MACROD2: variants seen among roughly 807,000 people sequenced by gnomAD.
MACROD2 encodes the protein mono-ADP ribosylhydrolase 2, also known as ADP-ribose glycohydrolase MACROD2.
In MACROD2, 36 loss-of-function variants were observed where a neutral mutation model predicts 70.4. That is an observed-to-expected ratio of 0.51 (90% CI 0.39 to 0.68). The LOEUF (loss-of-function observed/expected upper bound fraction) is 0.68, where lower values mean the gene tolerates loss of function less well. MACROD2 is among the 30% of genes least tolerant of loss of function. The probability of loss-of-function intolerance (pLI) is 0.00; values close to 1 mark genes in which losing one functional copy is unlikely to be tolerated. For missense variants in MACROD2, 496 were observed against 538.4 expected (o/e 0.92, Z 0.78); for synonymous variants, 172 against 178.8 (o/e 0.96, Z 0.30).
intron 8 of MACROD2, among the ~76,000 whole-genome samples, chr20:15,574,488 C>T (rs545456652): frequency 7.9e-5 from 12 of 152,210 alleles, no homozygotes; most frequent in African/African-American, 2.6e-4. Context: ...AGAATGTAGA[C>T]AAGCACTAAT....
intron 3 of MACROD2, among the ~76,000 whole-genome samples, chr20:14,114,803 C>A (rs1263668254): frequency 1.3e-5 from 2 of 152,084 alleles, no homozygotes; most frequent in African/African-American, 4.8e-5. Flanking sequence ...TACAAACTGG[C>A]GTAACAGTGT....
At chr20:14,318,959 C>T (rs2082636043) in intron 3 of MACROD2, among the ~76,000 whole-genome samples, 1 of 152,102 alleles carries the variant, frequency 6.6e-6, no homozygotes, top group Non-Finnish European at 1.5e-5. Context: ...CCTGTTTCCT[C>T]CATCTCTAGA....
intron 5 of MACROD2, among the ~76,000 whole-genome samples, chr20:15,173,996 G>A (rs1257542783): frequency 6.6e-6 from 1 of 152,140 alleles, no homozygotes. Flanking sequence ...ATCAATAATA[G>A]AAGTTTCTTT....
intron 6 of MACROD2, among the ~76,000 whole-genome samples, chr20:15,379,027 T>G (rs895011992): frequency 6.6e-6 from 1 of 152,234 alleles, no homozygotes; most frequent in Non-Finnish European, 1.5e-5. Flanking sequence ...AGGAAACCCC[T>G]TATACATGTT....
At chr20:14,289,413 G>T (rs914487741) in intron 3 of MACROD2, among the ~76,000 whole-genome samples, 2 of 152,218 alleles carry the variant, frequency 1.3e-5, no homozygotes, top group Non-Finnish European at 2.9e-5. Flanking sequence ...GTGTAAAACA[G>T]ATGCTTGCTT....
intron 6 of MACROD2, among the ~76,000 whole-genome samples, chr20:15,420,535 TTGCACTTTTGAA>T (rs2046213512): frequency 6.6e-6 from 1 of 152,168 alleles, no homozygotes; most frequent in South Asian, 2.1e-4. Context: ...GTAATAGTGT[TTGCACTTTTGAA>T]TGCAGTTTTT....
At chr20:14,916,634 A>G (rs1435619955) in intron 5 of MACROD2, among the ~76,000 whole-genome samples, 1 of 152,208 alleles carries the variant, frequency 6.6e-6, no homozygotes, top group Non-Finnish European at 1.5e-5. Flanking sequence ...GATGATAAAT[A>G]TGTCATAAAA....
At chr20:14,936,256 A>G (rs1270201930) in intron 5 of MACROD2, among the ~76,000 whole-genome samples, 1 of 152,156 alleles carries the variant, frequency 6.6e-6, no homozygotes, top group Non-Finnish European at 1.5e-5. Flanking sequence ...GATCTGGGAG[A>G]AGAGCATTTG....
chr20:15,478,242 G>A (rs1181493960), intron 7 of MACROD2, among the ~76,000 whole-genome samples: 4 of 152,184 alleles, frequency 2.6e-5, no homozygotes, highest in African/African-American at 4.8e-5. Flanking sequence ...AGTGAGGTTC[G>A]AGGAGGCTGA....
intron 10 of MACROD2, among the ~76,000 whole-genome samples, chr20:15,920,779 A>C (rs1200076352): frequency 6.6e-6 from 1 of 152,198 alleles, no homozygotes; most frequent in Non-Finnish European, 1.5e-5. Context: ...CAGAGACTAG[A>C]ACAACATTTC....
intron 3 of MACROD2, among the ~76,000 whole-genome samples, chr20:14,274,879 A>G (rs2082235162): frequency 6.6e-6 from 1 of 150,906 alleles, no homozygotes; most frequent in East Asian, 1.9e-4. Context: ...CCAAATCATG[A>G]GTGAACTCCC....
At chr20:15,286,257 C>A (rs954778159) in intron 6 of MACROD2, among the ~76,000 whole-genome samples, 1 of 152,172 alleles carries the variant, frequency 6.6e-6, no homozygotes, top group East Asian at 1.9e-4. Flanking sequence ...TGTGTTGGAT[C>A]TTTAAATATC....
intron 6 of MACROD2, among the ~76,000 whole-genome samples, chr20:15,345,117 G>A (rs1171984007): frequency 2.6e-5 from 4 of 152,156 alleles, no homozygotes; most frequent in African/African-American, 9.7e-5. Context: ...ATTAATGAGA[G>A]CTCTATCCTT....
intron 8 of MACROD2, among the ~76,000 whole-genome samples, chr20:15,517,479 T>TA (rs1339707960): frequency 2.0e-5 from 3 of 152,244 alleles, no homozygotes; most frequent in Non-Finnish European, 4.4e-5. Flanking sequence ...GTTTATCGGC[T>TA]GTCATCTTAC....
At chr20:14,381,654 C>T (rs191334177) in intron 3 of MACROD2, among the ~76,000 whole-genome samples, 5 of 152,248 alleles carry the variant, frequency 3.3e-5, no homozygotes, top group East Asian at 3.9e-4. Flanking sequence ...TAGCAGTGAG[C>T]GGTGTTTCCT....
intron 5 of MACROD2, among the ~76,000 whole-genome samples, chr20:14,874,655 A>G (rs1032118257): frequency 6.6e-6 from 1 of 151,214 alleles, no homozygotes; most frequent in African/African-American, 2.4e-5. Context: ...GTCCAATAAC[A>G]TGAACAAAAA....
chr20:15,904,811 G>A (rs1486926667), intron 10 of MACROD2, among the ~76,000 whole-genome samples: 1 of 151,030 alleles, frequency 6.6e-6, no homozygotes, highest in Admixed American at 6.6e-5. Flanking sequence ...AAGCTGGGAG[G>A]CGGAGCTTGC....
chr20:14,928,593 G>C (rs983383054), intron 5 of MACROD2, among the ~76,000 whole-genome samples: 1 of 152,154 alleles, frequency 6.6e-6, no homozygotes, highest in Non-Finnish European at 1.5e-5. Context: ...CAAGTCCACT[G>C]CCTGCTGGAC....
chr20:14,807,203 G>A lies in MACROD2; in HGVS notation c.418+122244G>A, dbSNP rs558228957. ...CTCACACAGGAGAGCTCTGGCTGGCGTCTAGCAGGTGCCCCTCTGGGACAA... is the reference window on the plus strand; with the variant it reads ...CTCACACAGGAGAGCTCTGGCTGGCATCTAGCAGGTGCCCCTCTGGGACAA... On this transcript the variant is annotated intron_variant, in intron 5 of 17. Coordinates refer to ENST00000684519, the MANE Select transcript of MACROD2 (RefSeq NM_001351661.2). Among the ~76,000 whole-genome samples the A allele has an allele frequency of 4.4e-4, 67 of 152,192 alleles. 1 individual carries two copies. Among genetic ancestry groups the A allele is most frequent in the East Asian group, 7.8e-4 (4 of 5,158 alleles).
Sources: gnomAD v4.1 joint callset for allele counts (sites outside exome capture counted in the v4.1 genomes callset) on GRCh38, gnomAD v4.1.1 for gene constraint, MANE v1.5 for transcripts, NCBI Gene and HGNC (gene_info 2026-07-23, HGNC 2026-07-21) for gene names.